Variants in RAB3IP observed in about 807,000 individuals in gnomAD.
RAB3IP encodes RAB3A interacting protein.
A neutral mutation model predicts 59.1 loss-of-function variants in RAB3IP; 36 were observed. The ratio of observed to expected loss-of-function variants is 0.61; its 90% CI spans 0.47 to 0.80. The LOEUF (loss-of-function observed/expected upper bound fraction) is 0.80, where lower values mean the gene tolerates loss of function less well. RAB3IP is among the 30% of genes least tolerant of loss of function. The pLI, the probability that RAB3IP is intolerant of heterozygous loss-of-function variation, is 0.00. For synonymous variants in RAB3IP, 207 were observed against 191.2 expected, an observed-to-expected ratio of 1.08 and a Z score of -0.68; for missense variants, 511 against 536.0, an observed-to-expected ratio of 0.95 and a Z score of 0.46.
chr12:69,782,065 G>T (rs1229107849), intron 3 of RAB3IP, among the ~76,000 whole-genome samples: 1 of 152,126 alleles, frequency 6.6e-6, no homozygotes, highest in Admixed American at 6.5e-5. Context: ...CCCTTTGGGG[G>T]ATTAAAAAAC....
chr12:69,775,381 T>G (rs915375677), intron 3 of RAB3IP, among the ~76,000 whole-genome samples: 4 of 141,884 alleles, frequency 2.8e-5, no homozygotes, highest in Non-Finnish European at 6.1e-5. Flanking sequence ...GACTTCCTCT[T>G]TTCCTAATTG....
intron 3 of RAB3IP, among the ~76,000 whole-genome samples, chr12:69,760,702 T>G (rs535976209): frequency 1.1e-4 from 17 of 152,330 alleles, no homozygotes; most frequent in African/African-American, 2.4e-4. Context: ...TTTTTTTTTT[T>G]TTGTTACTGT....
chr12:69,748,380 G>A lies in RAB3IP; in HGVS notation c.-25-7004G>A, dbSNP rs991179103. Reference sequence around the variant, plus strand: ...AAAAGTAAATTTCATAAGTTATTAGGATCTTTCTAGGCATTTATTAAATGA... The same window carrying A: ...AAAAGTAAATTTCATAAGTTATTAGAATCTTTCTAGGCATTTATTAAATGA... On this transcript the variant is annotated intron_variant, in intron 1 of 10. Coordinates refer to ENST00000247833, the MANE Select transcript of RAB3IP (RefSeq NM_022456.5). Among the ~76,000 whole-genome samples, 4 of 152,190 alleles carry A rather than the reference G, an allele frequency of 2.6e-5. No homozygotes were observed. The East Asian group carries it at 7.7e-4, about 29-fold the overall frequency.
intron 6 of RAB3IP, 176 bp downstream of exon 6, chr12:69,795,520 TA>T (rs113880777): frequency 5.4e-5 from 33 of 611,428 alleles, no homozygotes; most frequent in African/African-American, 4.8e-4. Flanking sequence ...TTCCATTTTC[TA>T]CCTGGCTGAC....
At chr12:69,738,788 A>AC (rs1301238080), upstream of RAB3IP, 13 of 144,506 alleles carry the variant, frequency 9.0e-5, no homozygotes, top group East Asian at 6.2e-4. Context: ...TGCCGGCCAC[A>AC]CCCCCCTACC....
chr12:69,771,748 A>T (rs934243958), intron 3 of RAB3IP, among the ~76,000 whole-genome samples: 2 of 152,082 alleles, frequency 1.3e-5, no homozygotes, highest in Admixed American at 1.3e-4. Context: ...GTACTAATTT[A>T]TATTACCACC....
intron 3 of RAB3IP, among the ~76,000 whole-genome samples, chr12:69,759,708 C>T (rs1334643255): frequency 6.7e-6 from 1 of 150,302 alleles, no homozygotes; most frequent in East Asian, 2.0e-4. Flanking sequence ...GCTGACCCCC[C>T]ACCTCCCTCC....
intron 1 of RAB3IP, chr12:69,739,841 G>A: frequency 6.2e-7 from 1 of 1,614,130 alleles, no homozygotes; most frequent in Non-Finnish European, 8.5e-7. Context: ...AGAGTTGCCG[G>A]TTGTTATGGG....
intron 1 of RAB3IP, among the ~76,000 whole-genome samples, chr12:69,748,473 G>A (rs560079948): frequency 6.6e-6 from 1 of 152,188 alleles, no homozygotes; most frequent in African/African-American, 2.4e-5. Flanking sequence ...AAGATTGGCT[G>A]TTGTTTTTGC....
chr12:69,794,658 C>A (rs559154804), intron 5 of RAB3IP, 144 bp downstream of exon 5: 3 of 607,074 alleles, frequency 4.9e-6, no homozygotes, highest in Non-Finnish European at 8.5e-6. Flanking sequence ...AAGAAAATAG[C>A]TACTATGTAG....
intron 8 of RAB3IP, among the ~76,000 whole-genome samples, chr12:69,810,496 T>C (rs539978358): frequency 6.6e-6 from 1 of 152,344 alleles, no homozygotes; most frequent in South Asian, 2.1e-4. Context: ...GAGCTGTTCC[T>C]ATTCGGCCAT....
chr12:69,797,502 ATAAAT>A (rs1430875704), intron 6 of RAB3IP, among the ~76,000 whole-genome samples: 4 of 82,298 alleles, frequency 4.9e-5, no homozygotes, highest in African/African-American at 1.6e-4. Flanking sequence ...TTTTTTTTTA[ATAAAT>A]TTGCATCTTT....
chr12:69,799,598 T>A (rs1238371579), intron 6 of RAB3IP, among the ~76,000 whole-genome samples: 1 of 152,186 alleles, frequency 6.6e-6, no homozygotes, highest in African/African-American at 2.4e-5. Flanking sequence ...TAAGGTAGTT[T>A]AGAAGGCTTT....
intron 8 of RAB3IP, among the ~76,000 whole-genome samples, chr12:69,806,748 C>G (rs1278953807): frequency 6.6e-6 from 1 of 152,016 alleles, no homozygotes; most frequent in Non-Finnish European, 1.5e-5. Context: ...GTTTGTGTCC[C>G]TGGGTACTTG....
rs1042499367 is a variant in RAB3IP, at chr12:69,823,172, A to G, written c.*7726A>G. ...ATGGGCAATTATTATTTGTTAATTA[A>G]AAAAATAAAAAAAAGACCCACCCAC... On this transcript the variant is annotated 3_prime_UTR_variant, in exon 11 of 11. Coordinates refer to ENST00000247833, the MANE Select transcript of RAB3IP (RefSeq NM_022456.5). The G allele has an allele frequency of 6.6e-6, 1 of 152,092 alleles. No individual in the cohort carries two copies. The highest frequency in any genetic ancestry group is 1.5e-5 in the Non-Finnish European group (1 of 68,000). The allele number at this position is 152,092 out of a possible 1,614,324, so 9.4% of individuals were successfully genotyped here. A position where few individuals can be genotyped will look rare whatever the true frequency, so the allele number is the denominator to read the frequency against.
intron 3 of RAB3IP, among the ~76,000 whole-genome samples, chr12:69,758,820 G>A (rs2136135866): frequency 7.7e-6 from 1 of 129,698 alleles, no homozygotes; most frequent in Non-Finnish European, 1.6e-5. Context: ...AGTTTAACGG[G>A]GCATACAATT....
At chr12:69,797,234 A>G (rs1877569498) in intron 6 of RAB3IP, among the ~76,000 whole-genome samples, 1 of 152,206 alleles carries the variant, frequency 6.6e-6, no homozygotes, top group African/African-American at 2.4e-5. Flanking sequence ...TTTGGGATCA[A>G]GCCACTTAGA....
intron 3 of RAB3IP, among the ~76,000 whole-genome samples, chr12:69,767,032 G>T (rs564823747): frequency 2.0e-3 from 302 of 152,320 alleles, no homozygotes; most frequent in Non-Finnish European, 2.4e-3. Context: ...TCCCTTGGTG[G>T]TGTTACTACA....
intron 3 of RAB3IP, among the ~76,000 whole-genome samples, chr12:69,779,481 C>G (rs1040172730): frequency 1.3e-5 from 2 of 152,058 alleles, no homozygotes; most frequent in East Asian, 1.9e-4. Context: ...TCCAATTACT[C>G]GAACATTTTC....
Sources: allele counts gnomAD v4.1 joint callset (sites outside exome capture counted in the v4.1 genomes callset), GRCh38; gene constraint gnomAD v4.1.1; transcripts MANE v1.5; gene names NCBI Gene and HGNC (gene_info 2026-07-23, HGNC 2026-07-21).